EIF2B5: variants seen among roughly 807,000 people sequenced by gnomAD.
EIF2B5 encodes the protein translation initiation factor eIF2B subunit epsilon.
In EIF2B5, 38 loss-of-function variants were observed where a neutral mutation model predicts 87.3. That is an observed-to-expected ratio of 0.44 (90% CI 0.34 to 0.57). EIF2B5 has a LOEUF of 0.57. Ranked by LOEUF, EIF2B5 falls within the 20% of genes least tolerant of loss-of-function variation. The pLI, the probability that EIF2B5 is intolerant of heterozygous loss-of-function variation, is 0.02. For missense variants in EIF2B5, 784 were observed against 909.5 expected (o/e 0.86, Z 1.78); for synonymous variants, 313 against 339.6 (o/e 0.92, Z 0.86).
In EIF2B5 at chr3:184,142,898, G is replaced by C; in HGVS notation, c.1654+12G>C. The C allele has an allele frequency of 6.2e-7, 1 of 1,608,910 alleles. No homozygotes were observed. The highest frequency in any genetic ancestry group is 1.1e-5 in the South Asian group (1 of 90,402). ...GGATGACATCAAAGGTGAGTGGCAGGGGAGAAATGCGCTGGACCAGTTTAT... is the reference window on the plus strand; with the variant it reads ...GGATGACATCAAAGGTGAGTGGCAGCGGAGAAATGCGCTGGACCAGTTTAT... On this transcript the variant is annotated intron_variant, in intron 11 of 15. Transcript: ENST00000648915. This position sits in a 1 kb window ranked among gnomAD's most constrained non-coding sequence, Gnocchi z 5.0.
Position 184,142,984 on chromosome 3 carries a change from C to A in EIF2B5, c.1655-68C>A. On this transcript the variant is annotated intron_variant, in intron 11 of 15. Transcript: ENST00000648915. The surrounding 1 kb of genome is among the most constrained non-coding windows in gnomAD (Gnocchi z 5.0). ...CCTCAGAAAGGGTTTGGTATCGAGT[C>A]AAGACTAGATGACTTAGAGCATTCT... 1 of 1,579,450 alleles carries A rather than the reference C, an allele frequency of 6.3e-7. No homozygotes were observed. The highest frequency in any genetic ancestry group is 8.7e-7 in the Non-Finnish European group (1 of 1,154,666).
At chr3:184,140,796 A>G (rs1713599712) in intron 7 of EIF2B5, 66 bp downstream of exon 7, 5 of 1,560,388 alleles carry the variant, frequency 3.2e-6, no homozygotes, top group Admixed American at 1.7e-5. Flanking sequence ...CCACGTCTCC[A>G]GAAACACAAG....
In EIF2B5 at chr3:184,140,400, C is replaced by T. The variant is rs1374878277; in HGVS notation, c.844-18C>T. ...CTGTCTTTCTTGCTTAGGTGACCTC[C>T]CTTTCCTTCTCATTCAGATCCTAGG... On this transcript the variant is annotated intron_variant, in intron 6 of 15. Coordinates refer to ENST00000648915, the MANE Select transcript of EIF2B5 (RefSeq NM_003907.3). 6.2e-7 allele frequency: 1 copy of T among 1,613,908 alleles called. No homozygotes were observed. Among genetic ancestry groups the T allele is most frequent in the South Asian group, 1.1e-5 (1 of 91,050 alleles).
chr3:184,136,799 T>TGTA, intron 2 of EIF2B5, 63 bp downstream of exon 2: 6 of 1,610,780 alleles, frequency 3.7e-6, no homozygotes, highest in Non-Finnish European at 5.1e-6. Flanking sequence ...TCAGGATGAA[T>TGTA]GTAACTAAGG....
Position 184,144,927 on chromosome 3 carries a change from C to A in EIF2B5, c.2150C>A (p.Ser717Ter). Residue 717 changes from serine (S) to a stop codon, truncating the protein, a stop_gained, in exon 16 of 16, where the codon TCA (serine) becomes TAA (stop). Coordinates refer to ENST00000648915, the MANE Select transcript of EIF2B5 (RefSeq NM_003907.3). LOFTEE classifies it high-confidence loss of function. ...TGGCTAAAAGAGGCAGAAGAGGAGTCATCTGAAGATGACTGAAGTCACACT... is the reference window on the plus strand; with the variant it reads ...TGGCTAAAAGAGGCAGAAGAGGAGTAATCTGAAGATGACTGAAGTCACACT... Reference protein sequence around the residue: ...IQWLKEAEEESSEDD With the variant: ...IQWLKEAEEE 6.2e-7 allele frequency: 1 copy of A among 1,613,664 alleles called. No homozygotes were observed. The highest frequency in any genetic ancestry group is 1.1e-5 in the South Asian group (1 of 90,990).
chr3:184,137,595 T>C, intron 2 of EIF2B5, 25 bp from the exon 3 acceptor site: 1 of 1,610,710 alleles, frequency 6.2e-7, no homozygotes, highest in African/African-American at 1.3e-5. Flanking sequence ...GATACACTCA[T>C]TCCCCTCACC....
rs185463811 is a variant in EIF2B5 at position 184,139,315 on chromosome 3, C to G, written c.766-765C>G. Among the ~76,000 whole-genome samples the G allele has an allele frequency of 1.3e-3, 128 of 96,132 alleles. 1 individual carries two copies. Among genetic ancestry groups the G allele is most frequent in the African/African-American group, 5.0e-3 (125 of 24,828 alleles). 63.1% of individuals were successfully genotyped at this position (96,132 alleles called of 152,430 possible). On this transcript the variant is annotated intron_variant, in intron 5 of 15. Transcript: ENST00000648915. Reference sequence around the variant, plus strand: ...TTTTTTTTTGAGTCGGAGTTTCACTCTTGTTGCCCAGGCTGGATGCAATGG... The same window carrying G: ...TTTTTTTTTGAGTCGGAGTTTCACTGTTGTTGCCCAGGCTGGATGCAATGG...
chr3:184,139,320 T>A (rs1335111913), intron 5 of EIF2B5, among the ~76,000 whole-genome samples: 1 of 142,922 alleles, frequency 7.0e-6, no homozygotes, highest in Non-Finnish European at 1.5e-5. Context: ...TCACTCTTGT[T>A]GCCCAGGCTG....
rs754512310 is a variant in EIF2B5, at chr3:184,142,300, G to A, written c.1366G>A (p.Ala456Thr). Residue 456 changes from alanine (A) to threonine (T), a missense_variant, in exon 9 of 16, where the codon GCA becomes ACA. By Grantham distance (58) the Ala-to-Thr change is moderately conservative. Transcript: ENST00000648915. The surrounding 1 kb of genome is among the most constrained non-coding windows in gnomAD (Gnocchi z 5.0). Reference protein sequence around the residue: ...GSVISLHPPDAEEDEDDGEFS... With the variant: ...GSVISLHPPDTEEDEDDGEFS... ...GGTGATCTCTTTGCACCCTCCAGATGCAGAGGAAGATGAAGATGATGGCGA... is the reference window on the plus strand; with the variant it reads ...GGTGATCTCTTTGCACCCTCCAGATACAGAGGAAGATGAAGATGATGGCGA... 18 of 1,614,096 alleles carry A rather than the reference G, an allele frequency of 1.1e-5. No individual in the cohort carries two copies. In the South Asian group the frequency reaches 2.0e-4, roughly 18 times the overall value.
chr3:184,136,769 G>A lies in EIF2B5; in HGVS notation c.320+33G>A, dbSNP rs374876865. 2,162 of 1,613,768 alleles carry A rather than the reference G, an allele frequency of 1.3e-3. 2 individuals are homozygous for A. Among genetic ancestry groups the A allele is most frequent in the Non-Finnish European group, 1.7e-3 (2,018 of 1,179,928 alleles). On this transcript the variant is annotated intron_variant, in intron 2 of 15. Transcript: ENST00000648915. The stretch of plus-strand genomic sequence containing the variant: ...CCTGCAACTTTTCTTTCCATGTTTC[G>A]CCATCTTTTTCCAGTTTTTTCAGGA...
rs749171051 is a variant in EIF2B5 at position 184,137,982 on chromosome 3, C to T, written c.591C>T (p.His197=). 2.2e-5 allele frequency: 36 copies of T among 1,614,058 alleles called. No individual in the cohort carries two copies. The highest frequency in any genetic ancestry group is 2.5e-5 in the Non-Finnish European group (29 of 1,180,040). ...ESSPSHPTRC[H]EDNVVVAVDS... is the part of the protein sequence containing the mutation. ...CCCCCAGCCACCCAACTCGTTGCCA[C>T]GAAGACAATGTGGTAGTGGCTGTGG... The change falls in exon 4 of 16, where the codon CAC becomes CAT. Residue 197 remains histidine (H), a synonymous_variant. Coordinates refer to ENST00000648915, the MANE Select transcript of EIF2B5 (RefSeq NM_003907.3).
chr3:184,141,501 G>A (rs1027119035), intron 7 of EIF2B5, among the ~76,000 whole-genome samples: 4 of 152,060 alleles, frequency 2.6e-5, no homozygotes, highest in Admixed American at 2.0e-4. Context: ...CCCAGAGGTC[G>A]AGGGTGCAGT....
At chr3:184,143,932 C>T in intron 13 of EIF2B5, 167 bp from the exon 14 acceptor site, 1 of 1,103,782 alleles carries the variant, frequency 9.1e-7, no homozygotes. Flanking sequence ...TAAGGAATCT[C>T]TTTTTCCCAA....
At chr3:184,143,644 G>A in intron 13 of EIF2B5, 79 bp downstream of exon 13, 2 of 1,604,050 alleles carry the variant, frequency 1.2e-6, no homozygotes, top group Middle Eastern at 1.7e-4. Context: ...TGTTATATTG[G>A]GTGTATGTCA....
In EIF2B5 at chr3:184,137,979, C is replaced by T; in HGVS notation, c.588C>T (p.Cys196=). The change falls in exon 4 of 16, where the codon TGC becomes TGT. Residue 196 remains cysteine (C), a synonymous_variant. Transcript: ENST00000648915. The part of the protein sequence containing the change: ...KESSPSHPTR[C]HEDNVVVAVD... ...CATCCCCCAGCCACCCAACTCGTTG[C>T]CACGAAGACAATGTGGTAGTGGCTG... is the stretch of plus-strand genomic sequence containing the variant. 1 of 1,614,188 alleles carries T rather than the reference C, an allele frequency of 6.2e-7. No homozygotes were observed. Among genetic ancestry groups the T allele is most frequent in the Non-Finnish European group, 8.5e-7 (1 of 1,180,040 alleles).
chr3:184,144,546 C>T lies in EIF2B5; in HGVS notation c.1996-51C>T, dbSNP rs889260079. On this transcript the variant is annotated intron_variant, in intron 14 of 15. Transcript: ENST00000648915. The stretch of plus-strand genomic sequence containing the variant: ...GGGATCTGAGGGCCTGGTAGAGTAT[C>T]CTGCTGGACTTTCCAAGGCCCCTGA... 7 of 1,521,424 alleles carry T rather than the reference C, an allele frequency of 4.6e-6. No homozygotes were observed. The African/African-American group carries it at 9.6e-5, about 21-fold the overall frequency. The allele number at this position is 1,521,424 out of a possible 1,614,324, so 94.2% of individuals were successfully genotyped here. A position where few individuals can be genotyped will look rare whatever the true frequency, so the allele number is the denominator to read the frequency against.
Position 184,140,098 on chromosome 3 carries a change from G to T in EIF2B5, c.784G>T (p.Asp262Tyr). Residue 262 changes from aspartate to tyrosine, a missense_variant, in exon 6 of 16, where the codon GAC (aspartate) becomes TAC (tyrosine). By Grantham distance (160) the Asp-to-Tyr change is radical. Around this residue, in one of 3 missense-constraint regions of EIF2B5, gnomAD observed 660 missense variants for 789.5 expected, o/e 0.84. Transcript: ENST00000648915. ...TCCACAGGTGGCACAACTCTTTACA[G>T]ACAACTTTGACTACCAAACTCGAGA... is the stretch of plus-strand genomic sequence containing the variant. ...CSPQVAQLFT[D>Y]NFDYQTRDDF... 6.2e-7 allele frequency: 1 copy of T among 1,613,330 alleles called. No individual in the cohort carries two copies. The highest frequency in any genetic ancestry group is 1.1e-5 in the South Asian group (1 of 91,016).
chr3:184,137,884 C>T lies in EIF2B5; in HGVS notation c.507-14C>T. On this transcript the variant is annotated splice_polypyrimidine_tract_variant and intron_variant, in intron 3 of 15. Coordinates refer to ENST00000648915, the MANE Select transcript of EIF2B5 (RefSeq NM_003907.3). ...ACTGCTTTTTTGCAGTTCTGTCCCT[C>T]CTGTCCTTTATAGGTTGAGACGGAA... The T allele has an allele frequency of 6.2e-7, 1 of 1,614,172 alleles. No individual in the cohort carries two copies. Among genetic ancestry groups the T allele is most frequent in the Non-Finnish European group, 8.5e-7 (1 of 1,180,038 alleles).
chr3:184,145,077 T>C lies in EIF2B5; in HGVS notation c.*134T>C. 1 of 811,914 alleles carries C rather than the reference T, an allele frequency of 1.2e-6. No individual in the cohort carries two copies. Among genetic ancestry groups the C allele is most frequent in the Non-Finnish European group, 2.1e-6 (1 of 483,632 alleles). The allele number at this position is 811,914 out of a possible 1,614,324, so 50.3% of individuals were successfully genotyped here. A position where few individuals can be genotyped will look rare whatever the true frequency, so the allele number is the denominator to read the frequency against. ...GACTGAAAGGAGCAGAGGCTGGAAC[T>C]ACAGTATTCTTTCCCCTGCTAGCAA... On this transcript the variant is annotated 3_prime_UTR_variant, in exon 16 of 16. Transcript: ENST00000648915. This position sits in a 1 kb window ranked among gnomAD's most constrained non-coding sequence, Gnocchi z 4.0.
Sources: gnomAD v4.1 joint callset for allele counts (sites outside exome capture counted in the v4.1 genomes callset) on GRCh38, gnomAD v4.1.1 for gene constraint, gnomAD v4.1.1 regional missense constraint, Gnocchi (gnomAD v3.1) non-coding constraint, MANE v1.5 for transcripts, NCBI Gene and HGNC (gene_info 2026-07-23, HGNC 2026-07-21) for gene names.